CAMKK1: variants seen among roughly 807,000 people sequenced by gnomAD.
CAMKK1 encodes calcium/calmodulin dependent protein kinase kinase 1.
Under a neutral mutation model 63.5 loss-of-function variants are expected in CAMKK1, and 20 were observed. The observed-to-expected ratio is 0.32, with a 90% confidence interval of 0.22 to 0.46. The LOEUF (loss-of-function observed/expected upper bound fraction) is 0.46. Ranked by LOEUF, CAMKK1 falls within the 20% of genes least tolerant of loss-of-function variation. The pLI, the probability that CAMKK1 is intolerant of heterozygous loss-of-function variation, is 1.00. For missense variants in CAMKK1, 588 were observed against 658.1 expected (o/e 0.89, Z 1.17); for synonymous variants, 253 against 269.0 (o/e 0.94, Z 0.58).
At position 3,887,051 on chromosome 17, in the gene CAMKK1, G is replaced by A. The variant is rs898822960; in HGVS notation, c.-43-1321C>T. ...TGGTGAAGCGCCTGCTCTACCGCTC[G>A]TTCCCCATCCCCTTGCTTTGACAGA... On this transcript the variant is annotated intron_variant, in intron 1 of 15. Coordinates refer to ENST00000348335, the MANE Select transcript of CAMKK1 (RefSeq NM_032294.3). This position sits in a 1 kb window ranked among gnomAD's most constrained non-coding sequence, Gnocchi z 6.1. 1.3e-5 allele frequency among the ~76,000 whole-genome samples: 2 copies of A among 152,130 alleles called. No homozygotes were observed. The highest frequency in any genetic ancestry group is 2.9e-5 in the Non-Finnish European group (2 of 68,008).
chr17:3,863,673 T>G (rs2054403026), intron 15 of CAMKK1, among the ~76,000 whole-genome samples: 1 of 151,656 alleles, frequency 6.6e-6, no homozygotes, highest in Non-Finnish European at 1.5e-5. Context: ...GCCAGGAGTT[T>G]AAGTCCAGCC....
chr17:3,884,662 T>C lies in CAMKK1; in HGVS notation c.361-235A>G, dbSNP rs2055566645. On this transcript the variant is annotated intron_variant, in intron 2 of 15. Transcript: ENST00000348335. This position sits in a 1 kb window ranked among gnomAD's most constrained non-coding sequence, Gnocchi z 4.5. ...ATGGTGACGCCATGGCTGTGCCTTGTTCCCCAGAAGCAGTGGTGAAGGGAA... is the reference window on the plus strand; with the variant it reads ...ATGGTGACGCCATGGCTGTGCCTTGCTCCCCAGAAGCAGTGGTGAAGGGAA... Among the ~76,000 whole-genome samples, 1 of 152,252 alleles carries C rather than the reference T, an allele frequency of 6.6e-6. No individual in the cohort carries two copies.
intron 9 of CAMKK1, 145 bp from the exon 10 acceptor site, chr17:3,876,567 G>A (rs1022820633): frequency 1.4e-5 from 9 of 665,836 alleles, no homozygotes; most frequent in Admixed American, 4.9e-5. Flanking sequence ...GGAGGAGGAC[G>A]TCAGGGCCAT....
At chr17:3,877,253 G>A (rs147546612) in intron 9 of CAMKK1, among the ~76,000 whole-genome samples, 146 of 152,284 alleles carry the variant, frequency 9.6e-4, no homozygotes, top group African/African-American at 3.3e-3. Context: ...CTCGGGATCT[G>A]GGCTGATGGG....
chr17:3,860,437 G>A lies in CAMKK1; in HGVS notation c.*1774C>T, dbSNP rs1882609361. ...CGCTTGTGCTACATTCAAAAACAAC[G>A]ATGCCAACCAAAACCCTCAGTGACA... On this transcript the variant is annotated 3_prime_UTR_variant, in exon 16 of 16. Coordinates refer to ENST00000348335, the MANE Select transcript of CAMKK1 (RefSeq NM_032294.3). The A allele has an allele frequency of 6.6e-6, 1 of 152,274 alleles. No homozygotes were observed. Among genetic ancestry groups the A allele is most frequent in the Non-Finnish European group, 1.5e-5 (1 of 68,018 alleles). 9.4% of individuals were successfully genotyped at this position (152,274 alleles called of 1,614,324 possible).
In CAMKK1 at chr17:3,879,927, T is replaced by C. The variant is rs565648716; in HGVS notation, c.796+419A>G. 8 of 189,706 alleles carry C rather than the reference T, an allele frequency of 4.2e-5. No homozygotes were observed. In the South Asian group the frequency reaches 8.0e-4, roughly 19 times the overall value. The allele number at this position is 189,706 out of a possible 1,614,324, so 11.8% of individuals were successfully genotyped here. On this transcript the variant is annotated intron_variant, in intron 9 of 15. Transcript: ENST00000348335. The surrounding 1 kb of genome is among the most constrained non-coding windows in gnomAD (Gnocchi z 4.5). ...CTCACATCACCCTCCTGAGCTCTTA[T>C]CAGACTAGGGCCCCTCACAGGTAAA...
intron 1 of CAMKK1, among the ~76,000 whole-genome samples, chr17:3,891,174 G>A (rs2055889038): frequency 6.6e-6 from 1 of 151,744 alleles, no homozygotes; most frequent in Admixed American, 6.6e-5. Flanking sequence ...AGCACAAATA[G>A]TCACGGAGCA....
rs1293704466 is a variant in CAMKK1 at position 3,860,752 on chromosome 17, A to G, written c.*1459T>C. On this transcript the variant is annotated 3_prime_UTR_variant, in exon 16 of 16. Transcript: ENST00000348335. ...GACGTAGAAACTGTATTACAGATGCATGTACCAGTGCAGGACATACGAGTG... is the reference window on the plus strand; with the variant it reads ...GACGTAGAAACTGTATTACAGATGCGTGTACCAGTGCAGGACATACGAGTG... 1 of 152,262 alleles carries G rather than the reference A, an allele frequency of 6.6e-6. No homozygotes were observed. The highest frequency in any genetic ancestry group is 1.5e-5 in the Non-Finnish European group (1 of 68,060). 9.4% of individuals were successfully genotyped at this position (152,262 alleles called of 1,614,324 possible). A position where few individuals can be genotyped will look rare whatever the true frequency, so the allele number is the denominator to read the frequency against.
At chr17:3,875,171 T>C (rs903201054) in intron 10 of CAMKK1, among the ~76,000 whole-genome samples, 1 of 152,182 alleles carries the variant, frequency 6.6e-6, no homozygotes, top group Non-Finnish European at 1.5e-5. Context: ...ATGTCAATAA[T>C]TGGTGAATCT....
At chr17:3,870,561 T>G (rs2054799515) in intron 12 of CAMKK1, among the ~76,000 whole-genome samples, 1 of 152,026 alleles carries the variant, frequency 6.6e-6, no homozygotes, top group African/African-American at 2.4e-5. Flanking sequence ...GAGACGGGGT[T>G]TCACCGTGTT....
At chr17:3,868,052 C>T (rs1297515906) in intron 14 of CAMKK1, among the ~76,000 whole-genome samples, 2 of 106,834 alleles carry the variant, frequency 1.9e-5, no homozygotes, top group African/African-American at 8.7e-5. Context: ...TACACAGGAT[C>T]TGGGGGAGAA....
At chr17:3,868,206 T>C (rs1458584798) in intron 14 of CAMKK1, among the ~76,000 whole-genome samples, 16 of 8,730 alleles carry the variant, frequency 1.8e-3, no homozygotes, top group East Asian at 3.7e-3. Flanking sequence ...AACTGATACG[T>C]GGGCTCTGGG....
In CAMKK1 at chr17:3,893,020, C is replaced by A. The variant is rs2055961651; in HGVS notation, c.-125G>T. ...GCGCGCCCCGCCCCGCCCCGCCCCGCCCCACCGCCTCGCTGGGGCCCAGAT... is the reference window on the plus strand; with the variant it reads ...GCGCGCCCCGCCCCGCCCCGCCCCGACCCACCGCCTCGCTGGGGCCCAGAT... On this transcript the variant is annotated 5_prime_UTR_variant, in exon 1 of 16. Transcript: ENST00000348335. The surrounding 1 kb of genome is among the most constrained non-coding windows in gnomAD (Gnocchi z 4.6). 6.7e-6 allele frequency: 1 copy of A among 149,422 alleles called. No individual in the cohort carries two copies. The highest frequency in any genetic ancestry group is 6.7e-5 in the Admixed American group (1 of 15,016). The allele number at this position is 149,422 out of a possible 1,614,324, so 9.3% of individuals were successfully genotyped here.
chr17:3,870,926 G>T (rs1186694130), intron 12 of CAMKK1, among the ~76,000 whole-genome samples: 2 of 152,172 alleles, frequency 1.3e-5, no homozygotes, highest in African/African-American at 4.8e-5. Context: ...AAGCCAGCTG[G>T]CTGGTGCTCG....
At position 3,892,696 on chromosome 17, in the gene CAMKK1, G is replaced by T. The variant is rs112202720; in HGVS notation, c.-44+243C>A. On this transcript the variant is annotated intron_variant, in intron 1 of 15. Transcript: ENST00000348335. The surrounding 1 kb of genome is among the most constrained non-coding windows in gnomAD (Gnocchi z 7.5). Reference sequence around the variant, plus strand: ...GACAGAAGCGGGGAAGAACGCAGACGGCGGGGCACCCGCGGCGATGCGGTC... The same window carrying T: ...GACAGAAGCGGGGAAGAACGCAGACTGCGGGGCACCCGCGGCGATGCGGTC... Among the ~76,000 whole-genome samples the T allele has an allele frequency of 0.01, 1,594 of 152,270 alleles. 28 individuals carry two copies. Among genetic ancestry groups the T allele is most frequent in the African/African-American group, 0.037 (1,522 of 41,562 alleles).
Position 3,862,269 on chromosome 17 carries a change from C to T in CAMKK1, c.1460G>A (p.Gly487Asp). ...PGNLLVKEGF[G>D]EGGKSPELPG... ...GAGCTCTGGGCTCTTGCCCCCTTCACCAAACCCTTCTTTCCTGTTCAGGGG... is the reference window on the plus strand; with the variant it reads ...GAGCTCTGGGCTCTTGCCCCCTTCATCAAACCCTTCTTTCCTGTTCAGGGG... The change falls in exon 16 of 16, where the codon GGT becomes GAT. Residue 487 changes from glycine (G) to aspartate (D), a missense_variant. Gly to Asp is a moderately conservative substitution (Grantham distance 94). Around this residue, in one of 3 missense-constraint regions of CAMKK1, gnomAD observed 226 missense variants for 229.2 expected, o/e 0.99. Transcript: ENST00000348335. This position sits in a 1 kb window ranked among gnomAD's most constrained non-coding sequence, Gnocchi z 4.1. 2 of 1,586,918 alleles carry T rather than the reference C, an allele frequency of 1.3e-6. No individual in the cohort carries two copies. The highest frequency in any genetic ancestry group is 1.7e-6 in the Non-Finnish European group (2 of 1,165,528).
intron 8 of CAMKK1, among the ~76,000 whole-genome samples, chr17:3,881,203 C>T (rs2055396330): frequency 6.6e-6 from 1 of 152,240 alleles, no homozygotes; most frequent in Non-Finnish European, 1.5e-5. Context: ...TTCTCTGGTC[C>T]TTAGCTTTCC....
At chr17:3,864,318 C>T (rs2054430944) in intron 15 of CAMKK1, among the ~76,000 whole-genome samples, 1 of 152,070 alleles carries the variant, frequency 6.6e-6, no homozygotes, top group Non-Finnish European at 1.5e-5. Flanking sequence ...GTGACCTTGG[C>T]TCACTGCAAG....
At chr17:3,864,702 GC>G (rs1379901287) in intron 15 of CAMKK1, among the ~76,000 whole-genome samples, 2 of 152,036 alleles carry the variant, frequency 1.3e-5, no homozygotes, top group African/African-American at 4.8e-5. Context: ...TCCCCCAACC[GC>G]AACCACCTCC....
Sources: allele counts gnomAD v4.1 joint callset (sites outside exome capture counted in the v4.1 genomes callset), GRCh38; gene constraint gnomAD v4.1.1; regional missense constraint gnomAD v4.1.1; non-coding constraint Gnocchi (gnomAD v3.1); transcripts MANE v1.5; gene names NCBI Gene and HGNC (gene_info 2026-07-23, HGNC 2026-07-21).